Variants in OOSP4B observed in about 807,000 individuals in gnomAD.
OOSP4B encodes oocyte-secreted protein 4B.
At chr11:60,029,125 A>C (rs1055300245) in intron 3 of OOSP4B, among the ~76,000 whole-genome samples, 1 of 152,222 alleles carries the variant, frequency 6.6e-6, no homozygotes, top group Non-Finnish European at 1.5e-5. Flanking sequence ...GATATAGAAA[A>C]TTTGAATGAG....
intron 1 of OOSP4B, chr11:60,021,637 A>G (rs972687472): frequency 1.3e-5 from 2 of 152,266 alleles, no homozygotes; most frequent in African/African-American, 4.8e-5. Flanking sequence ...TCTTATCTGG[A>G]AAATGAAGAC....
chr11:60,023,260 T>C (rs539199589), intron 1 of OOSP4B, among the ~76,000 whole-genome samples: 1 of 152,332 alleles, frequency 6.6e-6, no homozygotes, highest in Non-Finnish European at 1.5e-5. Context: ...TTTGAGCACA[T>C]GAAGTGTGGC....
intron 3 of OOSP4B, among the ~76,000 whole-genome samples, chr11:60,025,590 T>G (rs1854739997): frequency 6.6e-6 from 1 of 152,198 alleles, no homozygotes; most frequent in Non-Finnish European, 1.5e-5. Flanking sequence ...CTCGTTTATG[T>G]TGTATATTCC....
chr11:60,023,215 C>T (rs1301645173), intron 1 of OOSP4B, among the ~76,000 whole-genome samples: 2 of 152,152 alleles, frequency 1.3e-5, no homozygotes, highest in African/African-American at 2.4e-5. Context: ...GTGTAAAGTA[C>T]AGAGTAGCAC....
chr11:60,029,816 A>G, exon 4 of OOSP4B: 1 of 398,468 alleles, frequency 2.5e-6, no homozygotes, highest in Non-Finnish European at 4.4e-6. Flanking sequence ...TTTTGGAATG[A>G]GTGGGTTTGA....
chr11:60,017,907 G>A (rs1440341462), intron 1 of OOSP4B, among the ~76,000 whole-genome samples: 1 of 152,136 alleles, frequency 6.6e-6, no homozygotes, highest in Non-Finnish European at 1.5e-5. Flanking sequence ...ATTTGGATGA[G>A]TTCTAATTGC....
rs1590593396 is a variant in OOSP4B at position 60,024,077 on chromosome 11, C to G, written c.204+16C>G. On this transcript the variant is annotated intron_variant, in intron 2 of 4. Coordinates refer to ENST00000642343, the Ensembl canonical transcript of OOSP4B. Reference sequence around the variant, plus strand: ...CAAGAAAATTGTAAGTGCCATGATGCTTTTCCCTAAAACATATACTGAATT... The same window carrying G: ...CAAGAAAATTGTAAGTGCCATGATGGTTTTCCCTAAAACATATACTGAATT... 1 of 398,352 alleles carries G rather than the reference C, an allele frequency of 2.5e-6. No individual in the cohort carries two copies. The highest frequency in any genetic ancestry group is 2.1e-5 in the African/African-American group (1 of 48,600). The allele number at this position is 398,352 out of a possible 1,614,324, so 24.7% of individuals were successfully genotyped here. A position where few individuals can be genotyped will look rare whatever the true frequency, so the allele number is the denominator to read the frequency against.
intron 3 of OOSP4B, 117 bp from the exon 4 acceptor site, chr11:60,029,665 A>G: frequency 2.5e-6 from 1 of 395,846 alleles, no homozygotes; most frequent in Non-Finnish European, 4.4e-6. Flanking sequence ...CCTTTCCTCC[A>G]CAAGTCAGTT....
intron 2 of OOSP4B, among the ~76,000 whole-genome samples, chr11:60,024,613 C>T (rs982963898): frequency 2.0e-5 from 3 of 152,302 alleles, no homozygotes; most frequent in Non-Finnish European, 1.5e-5. Context: ...TAGCTGGGAA[C>T]ATTGTTTATG....
At chr11:60,029,419 GTC>G (rs1336466201) in intron 3 of OOSP4B, among the ~76,000 whole-genome samples, 6 of 152,062 alleles carry the variant, frequency 3.9e-5, no homozygotes, top group Admixed American at 3.9e-4. Flanking sequence ...ATACATATGG[GTC>G]TCTGTTTTCA....
intron 4 of OOSP4B, among the ~76,000 whole-genome samples, chr11:60,030,214 T>A (rs1445730715): frequency 6.6e-6 from 1 of 152,180 alleles, no homozygotes; most frequent in Non-Finnish European, 1.5e-5. Context: ...AATGAAATTG[T>A]TGTCATAGAA....
intron 1 of OOSP4B, among the ~76,000 whole-genome samples, chr11:60,023,656 A>C (rs1854716846): frequency 6.6e-6 from 1 of 151,404 alleles, no homozygotes; most frequent in African/African-American, 2.4e-5. Flanking sequence ...CTGGTCTTGA[A>C]CTCCTGACCT....
At chr11:60,030,735 C>A in intron 4 of OOSP4B, 67 bp from the exon 5 acceptor site, 1 of 397,718 alleles carries the variant, frequency 2.5e-6, no homozygotes, top group Non-Finnish European at 4.4e-6. Flanking sequence ...GTTCTCTGAA[C>A]GTGTTTTCTT....
Position 60,024,062 on chromosome 11 carries a change from G to A in OOSP4B, c.204+1G>A, listed in dbSNP as rs1369327033. 1 of 398,340 alleles carries A rather than the reference G, an allele frequency of 2.5e-6. No homozygotes were observed. Among genetic ancestry groups the A allele is most frequent in the African/African-American group, 2.1e-5 (1 of 48,576 alleles). The allele number at this position is 398,340 out of a possible 1,614,324, so 24.7% of individuals were successfully genotyped here. On this transcript the variant is annotated splice_donor_variant, in intron 2 of 4. Transcript: ENST00000642343. LOFTEE classifies it high-confidence loss of function. Reference sequence around the variant, plus strand: ...CACTTCTTGTGGGATCAAGAAAATTGTAAGTGCCATGATGCTTTTCCCTAA... The same window carrying A: ...CACTTCTTGTGGGATCAAGAAAATTATAAGTGCCATGATGCTTTTCCCTAA...
chr11:60,023,440 A>T (rs1163726426), intron 1 of OOSP4B, among the ~76,000 whole-genome samples: 2 of 152,168 alleles, frequency 1.3e-5, no homozygotes, highest in East Asian at 3.9e-4. Context: ...TTTAATTTTA[A>T]TGTCTTTTTT....
intron 3 of OOSP4B, among the ~76,000 whole-genome samples, chr11:60,028,407 C>A (rs1162032148): frequency 6.6e-6 from 1 of 152,114 alleles, no homozygotes; most frequent in Non-Finnish European, 1.5e-5. Flanking sequence ...CTCAAGTGAT[C>A]CACCTGCCTC....
intron 3 of OOSP4B, among the ~76,000 whole-genome samples, chr11:60,028,821 C>T (rs546730251): frequency 2.6e-5 from 4 of 152,260 alleles, no homozygotes; most frequent in East Asian, 1.9e-4. Flanking sequence ...GCCTTCTCCA[C>T]GGTGGGTCCA....
intron 1 of OOSP4B, among the ~76,000 whole-genome samples, chr11:60,020,682 T>A (rs913884053): frequency 6.6e-6 from 1 of 152,196 alleles, no homozygotes; most frequent in African/African-American, 2.4e-5. Context: ...AGCGGCGGGC[T>A]AAAGGGCTCC....
intron 3 of OOSP4B, among the ~76,000 whole-genome samples, chr11:60,027,636 C>A: frequency 1.9e-5 from 2 of 104,090 alleles, no homozygotes; most frequent in African/African-American, 3.4e-5. Context: ...AGCCTCTAAG[C>A]AGGTAAAGGC....
Sources: gnomAD v4.1 joint callset for allele counts (sites outside exome capture counted in the v4.1 genomes callset) on GRCh38, gnomAD v4.1.1 for gene constraint, MANE v1.5 for transcripts, NCBI Gene and HGNC (gene_info 2026-07-23, HGNC 2026-07-21) for gene names.